DOCK1: variants seen among roughly 807,000 people sequenced by gnomAD.
The protein encoded by DOCK1 is dedicator of cytokinesis 1, also known as dedicator of cytokinesis protein 1.
A neutral mutation model predicts 262.7 loss-of-function variants in DOCK1; 138 were observed. The ratio of observed to expected loss-of-function variants is 0.53; its 90% confidence interval spans 0.46 to 0.61. The LOEUF (loss-of-function observed/expected upper bound fraction) is 0.61, where lower values mean the gene tolerates loss of function less well. Among genes scored for constraint, DOCK1 ranks in the 20% least tolerant of loss-of-function variants. DOCK1 has a pLI of 0.00. For missense variants in DOCK1, 1,908 were observed against 2,370.7 expected, an observed-to-expected ratio of 0.80 and a Z score of 4.05; for synonymous variants, 866 against 867.4, an observed-to-expected ratio of 1.00 and a Z score of 0.03.
intron 23 of DOCK1, among the ~76,000 whole-genome samples, chr10:127,066,099 C>T (rs11018413): frequency 2.6e-3 from 402 of 152,174 alleles, no homozygotes; most frequent in Non-Finnish European, 4.2e-3. Flanking sequence ...TCTTTGCCCT[C>T]GGCGTTTCTC....
intron 27 of DOCK1, among the ~76,000 whole-genome samples, chr10:127,199,002 T>C (rs1315162850): frequency 1.3e-5 from 2 of 151,544 alleles, no homozygotes; most frequent in Non-Finnish European, 2.9e-5. Flanking sequence ...TTTTAATAGA[T>C]GGGATGTAGG....
rs1222011707 is a variant in DOCK1, at chr10:127,292,442, A to G, written c.3044+35013A>G. On this transcript the variant is annotated intron_variant, in intron 29 of 51. Transcript: ENST00000623213. ...GAAGTGGAAGAGTGTGAAACAGTAC[A>G]CGGAGGCCTTTCTGGCTGTTTACAA... Among the ~76,000 whole-genome samples the G allele has an allele frequency of 2.6e-5, 4 of 152,100 alleles. No homozygotes were observed. The East Asian group carries it at 7.7e-4, about 29-fold the overall frequency.
At chr10:127,056,955 C>T (rs891120024) in intron 22 of DOCK1, among the ~76,000 whole-genome samples, 1 of 152,318 alleles carries the variant, frequency 6.6e-6, no homozygotes, top group South Asian at 2.1e-4. Flanking sequence ...AATCCCTCCC[C>T]TTCTGTCCTC....
chr10:127,003,716 A>G (rs2040774835), intron 10 of DOCK1, among the ~76,000 whole-genome samples: 1 of 152,082 alleles, frequency 6.6e-6, no homozygotes, highest in African/African-American at 2.4e-5. Flanking sequence ...CACTGTGGGA[A>G]GTTGAGGTGG....
intron 38 of DOCK1, among the ~76,000 whole-genome samples, chr10:127,394,431 C>T (rs541408373): frequency 6.7e-6 from 1 of 149,680 alleles, no homozygotes; most frequent in Non-Finnish European, 1.5e-5. Flanking sequence ...CATTTTTGGT[C>T]AAATGTTTGC....
intron 1 of DOCK1, among the ~76,000 whole-genome samples, chr10:126,965,482 G>C (rs1461307523): frequency 3.9e-5 from 6 of 152,132 alleles, no homozygotes; most frequent in African/African-American, 1.4e-4. Context: ...GAGAAGGGAA[G>C]ACAGTCTGTA....
chr10:127,084,192 T>C (rs1208849421), intron 23 of DOCK1, among the ~76,000 whole-genome samples: 1 of 152,218 alleles, frequency 6.6e-6, no homozygotes, highest in African/African-American at 2.4e-5. Flanking sequence ...TTGTTTCATA[T>C]TGCAATTAGG....
chr10:127,337,826 G>C (rs1428088346), intron 29 of DOCK1, among the ~76,000 whole-genome samples: 1 of 152,230 alleles, frequency 6.6e-6, no homozygotes, highest in Non-Finnish European at 1.5e-5. Context: ...ATGAAATAAT[G>C]TCTGCGAATC....
chr10:127,086,690 C>T (rs2047219202), intron 23 of DOCK1, among the ~76,000 whole-genome samples: 1 of 151,974 alleles, frequency 6.6e-6, no homozygotes, highest in Non-Finnish European at 1.5e-5. Flanking sequence ...CTTAAAAAGT[C>T]CCGTGTCTTA....
intron 29 of DOCK1, among the ~76,000 whole-genome samples, chr10:127,275,010 A>T (rs2060694549): frequency 6.6e-6 from 1 of 152,144 alleles, no homozygotes. Context: ...GGTGCCCAGG[A>T]GGTGGCCCAA....
rs370328461 is a variant in DOCK1, at chr10:127,142,303, C to T, written c.2847+14539C>T. 2.2e-4 allele frequency among the ~76,000 whole-genome samples: 33 copies of T among 152,300 alleles called. No homozygotes were observed. The South Asian group carries it at 6.6e-3, about 31-fold the overall frequency. ...TTGTTGTGGTTTCTGAGGACTCTGGCTGTGGCTTTGCACAGTCCCCTTGCA... is the reference window on the plus strand; with the variant it reads ...TTGTTGTGGTTTCTGAGGACTCTGGTTGTGGCTTTGCACAGTCCCCTTGCA... On this transcript the variant is annotated intron_variant, in intron 27 of 51. Transcript: ENST00000623213.
chr10:127,349,240 A>G (rs2063774210), intron 31 of DOCK1, among the ~76,000 whole-genome samples: 1 of 151,744 alleles, frequency 6.6e-6, no homozygotes, highest in South Asian at 2.1e-4. Context: ...GGCTCTGGGC[A>G]CTGCATTGCC....
chr10:127,074,022 A>C (rs2046377514), intron 23 of DOCK1, among the ~76,000 whole-genome samples: 2 of 152,228 alleles, frequency 1.3e-5, no homozygotes, highest in Non-Finnish European at 2.9e-5. Context: ...GAAACGTTTT[A>C]TTGAGAAACA....
At chr10:127,431,664 G>A (rs1296605703) in intron 47 of DOCK1, among the ~76,000 whole-genome samples, 1 of 152,224 alleles carries the variant, frequency 6.6e-6, no homozygotes, top group Non-Finnish European at 1.5e-5. Context: ...AGAGCCAGTG[G>A]TCAGCAAACT....
intron 27 of DOCK1, among the ~76,000 whole-genome samples, chr10:127,211,224 G>A (rs952635728): frequency 6.6e-6 from 1 of 152,162 alleles, no homozygotes; most frequent in East Asian, 1.9e-4. Flanking sequence ...AAAGCCAAGT[G>A]CAACTTGCCA....
chr10:127,428,643 A>ATTGGG (rs2068996133), intron 47 of DOCK1, among the ~76,000 whole-genome samples: 1 of 64,628 alleles, frequency 1.5e-5, no homozygotes, highest in Non-Finnish European at 3.3e-5. Flanking sequence ...TGTGGATTGG[A>ATTGGG]GTGCCGTGTG....
At chr10:127,064,685 G>A (rs546639411) in intron 23 of DOCK1, among the ~76,000 whole-genome samples, 5 of 152,240 alleles carry the variant, frequency 3.3e-5, no homozygotes, top group South Asian at 2.1e-4. Flanking sequence ...CCGCCTCACC[G>A]TCCCTCAGTG....
intron 37 of DOCK1, 51 bp downstream of exon 37, chr10:127,381,419 C>A: frequency 6.5e-7 from 1 of 1,529,816 alleles, no homozygotes; most frequent in South Asian, 1.2e-5. Flanking sequence ...TAAATTCTAA[C>A]AATATTCAGA....
At chr10:127,000,075 G>GAGA (rs1323949536) in intron 9 of DOCK1, 97 bp from the exon 10 acceptor site, 1 of 1,400,148 alleles carries the variant, frequency 7.1e-7, no homozygotes, top group Non-Finnish European at 9.8e-7. Context: ...AAACTGGTCT[G>GAGA]AGAAGAGTCT....
Sources: gnomAD v4.1 joint callset for allele counts (sites outside exome capture counted in the v4.1 genomes callset) on GRCh38, gnomAD v4.1.1 for gene constraint, MANE v1.5 for transcripts, NCBI Gene and HGNC (gene_info 2026-07-23, HGNC 2026-07-21) for gene names.